The following TOM1 variants were observed in gnomAD, a reference collection of about 807,000 sequenced individuals.
TOM1 encodes target of Myb protein 1.
A neutral mutation model predicts 61.3 loss-of-function variants in TOM1; 38 were observed. The observed-to-expected ratio is 0.62, with a 90% CI of 0.48 to 0.81. The LOEUF (loss-of-function observed/expected upper bound fraction) is 0.81, where lower values mean the gene tolerates loss of function less well. Among genes scored for constraint, TOM1 ranks in the 40% least tolerant of loss-of-function variants. The pLI is 0.00. For missense variants in TOM1, 591 were observed against 659.6 expected (o/e 0.90, Z 1.14); for synonymous variants, 270 against 268.8 (o/e 1.00, Z -0.04).
At chr22:35,301,409 TG>T in intron 1 of TOM1, among the ~76,000 whole-genome samples, 1 of 152,254 alleles carries the variant, frequency 6.6e-6, no homozygotes, top group South Asian at 2.1e-4. Context: ...ATCTCATAGG[TG>T]CTCATTCTTG....
chr22:35,321,983 AAAG>A lies in TOM1; in HGVS notation c.167_169del (p.Lys56del). The A allele has an allele frequency of 1.9e-6, 3 of 1,614,170 alleles. No homozygotes were observed. Among genetic ancestry groups the A allele is most frequent in the Non-Finnish European group, 2.5e-6 (3 of 1,180,010 alleles). On this transcript the variant is annotated inframe_deletion, in exon 3 of 15. Coordinates refer to ENST00000449058, the MANE Select transcript of TOM1 (RefSeq NM_005488.3). ...GTCCCAAAGATGCCCTCCGAGCAGT[AAAG>A]AAGAGAATCGTGGGGAATAAGAACT...
intron 12 of TOM1, 127 bp downstream of exon 12, chr22:35,338,915 C>G: frequency 1.2e-6 from 1 of 869,536 alleles, no homozygotes; most frequent in African/African-American, 1.7e-5. Flanking sequence ...CTCGTTTGGC[C>G]GTCAGGTCGG....
intron 1 of TOM1, among the ~76,000 whole-genome samples, chr22:35,300,878 T>C (rs950366587): frequency 2.7e-5 from 4 of 148,936 alleles, no homozygotes; most frequent in Non-Finnish European, 4.5e-5. Context: ...CAATGCCTGG[T>C]ACATGGCCAG....
rs113856063 is a variant in TOM1 at position 35,311,335 on chromosome 22, A to G, written c.53-6542A>G. Among the ~76,000 whole-genome samples, 296 of 152,364 alleles carry G rather than the reference A, an allele frequency of 1.9e-3. 2 individuals are homozygous for G. Among genetic ancestry groups the G allele is most frequent in the African/African-American group, 6.9e-3 (289 of 41,594 alleles). The stretch of plus-strand genomic sequence containing the variant: ...GCAGGTAACAGGAAACGCAACCAGC[A>G]GAGTCTGAAACCACCACAACAACGC... On this transcript the variant is annotated intron_variant, in intron 1 of 14. Coordinates refer to ENST00000449058, the MANE Select transcript of TOM1 (RefSeq NM_005488.3).
chr22:35,313,076 G>T (rs1926973669), intron 1 of TOM1, among the ~76,000 whole-genome samples: 1 of 152,254 alleles, frequency 6.6e-6, no homozygotes, highest in South Asian at 2.1e-4. Context: ...ACAGTGGGCA[G>T]TGGCTCACAC....
intron 1 of TOM1, among the ~76,000 whole-genome samples, chr22:35,300,994 T>G (rs1458613388): frequency 2.0e-5 from 3 of 150,856 alleles, no homozygotes; most frequent in Non-Finnish European, 4.4e-5. Context: ...GGCAGATCGC[T>G]TGAGCCCAGG....
In TOM1 at chr22:35,323,255, G is replaced by A. The variant is rs1000095565; in HGVS notation, c.366+78G>A. ...GCTTCCTGCCCAGTGGAGAGTCGAG[G>A]CCATCGTGTTTGTCCCAGGCTCCGC... On this transcript the variant is annotated intron_variant, in intron 4 of 14. Transcript: ENST00000449058. This position sits in a 1 kb window ranked among gnomAD's most constrained non-coding sequence, Gnocchi z 4.2. 167 of 1,557,708 alleles carry A rather than the reference G, an allele frequency of 1.1e-4. 1 individual carries two copies. The highest frequency in any genetic ancestry group is 1.3e-5 in the Non-Finnish European group (15 of 1,153,658).
chr22:35,319,242 G>A (rs1380483853), intron 2 of TOM1, among the ~76,000 whole-genome samples: 1 of 152,148 alleles, frequency 6.6e-6, no homozygotes, highest in Non-Finnish European at 1.5e-5. Flanking sequence ...AAGCCCCCAT[G>A]TCCCTTATAA....
chr22:35,334,662 G>A (rs1441155396), intron 11 of TOM1, among the ~76,000 whole-genome samples: 1 of 152,160 alleles, frequency 6.6e-6, no homozygotes, highest in Admixed American at 6.5e-5. Flanking sequence ...GGTGGGGGAG[G>A]GGGAGCCTAA....
At position 35,304,146 on chromosome 22, in the gene TOM1, C is replaced by T. The variant is rs556046133; in HGVS notation, c.52+4166C>T. Among the ~76,000 whole-genome samples, 3 of 152,344 alleles carry T rather than the reference C, an allele frequency of 2.0e-5. No homozygotes were observed. In the East Asian group the frequency reaches 5.8e-4, roughly 29 times the overall value. ...ATCGCTTTCCAGGGTTCCACAGCCA[C>T]TCAAGGTCAGAATCCAGACCCAGGT... On this transcript the variant is annotated intron_variant, in intron 1 of 14. Transcript: ENST00000449058.
intron 1 of TOM1, among the ~76,000 whole-genome samples, chr22:35,301,404 A>G (rs1039294729): frequency 6.6e-6 from 1 of 152,210 alleles, no homozygotes; most frequent in African/African-American, 2.4e-5. Context: ...AGTAGATCTC[A>G]TAGGTGCTCA....
At chr22:35,340,534 G>A (rs1349128526) in intron 12 of TOM1, among the ~76,000 whole-genome samples, 1 of 151,926 alleles carries the variant, frequency 6.6e-6, no homozygotes, top group Non-Finnish European at 1.5e-5. Context: ...ATCACTTGAG[G>A]TCAGGAGTTC....
intron 2 of TOM1, among the ~76,000 whole-genome samples, chr22:35,319,856 C>T (rs989319827): frequency 6.6e-6 from 1 of 152,208 alleles, no homozygotes; most frequent in African/African-American, 2.4e-5. Context: ...CTTTCCCCAC[C>T]GTGTCCCTTC....
At chr22:35,299,750 C>T (rs1045215254), upstream of TOM1, 12 of 679,502 alleles carry the variant, frequency 1.8e-5, no homozygotes, top group African/African-American at 2.2e-4. Flanking sequence ...AGGTCATCGC[C>T]CTCCGCCTCG....
rs1929026866 is a variant in TOM1 at position 35,333,615 on chromosome 22, C to T, written c.1027+118C>T. ...AGCAGAGTGTCAGTCTGGACCCCAC[C>T]TTGCTGGGGTCCCAGGCTGAATCTT... On this transcript the variant is annotated intron_variant, in intron 10 of 14. Coordinates refer to ENST00000449058, the MANE Select transcript of TOM1 (RefSeq NM_005488.3). 3 of 896,688 alleles carry T rather than the reference C, an allele frequency of 3.3e-6. No individual in the cohort carries two copies. The South Asian group carries it at 4.6e-5, about 14-fold the overall frequency. 55.5% of individuals were successfully genotyped at this position (896,688 alleles called of 1,614,324 possible).
chr22:35,344,224 C>A, intron 12 of TOM1: 1 of 152,430 alleles, frequency 6.6e-6, no homozygotes. Context: ...GCGGGAAAAG[C>A]CTCAGTGACT....
chr22:35,336,210 G>T (rs1236999075), intron 11 of TOM1, among the ~76,000 whole-genome samples: 1 of 152,122 alleles, frequency 6.6e-6, no homozygotes, highest in East Asian at 1.9e-4. Flanking sequence ...TTCCACCCTG[G>T]CAGAAAACAT....
At position 35,323,886 on chromosome 22, in the gene TOM1, A is replaced by G. The variant is rs1291187250; in HGVS notation, c.620A>G (p.Asp207Gly). The change falls in exon 6 of 15, where the codon GAC (aspartate) becomes GGC (glycine). Residue 207 changes from aspartate to glycine, a missense_variant. Physicochemically the swap from Asp to Gly is moderately conservative, Grantham distance 94. Transcript: ENST00000449058. The surrounding 1 kb of genome is among the most constrained non-coding windows in gnomAD (Gnocchi z 4.2). ...CCCGCCCCGCCCATACTCTCCGGTG[A>G]CACGCCCATAGCACCAACCCCGGAA... ...PLPAPPILSGDTPIAPTPEQI... is the reference protein window; with the variant it reads ...PLPAPPILSGGTPIAPTPEQI... 1 of 1,593,920 alleles carries G rather than the reference A, an allele frequency of 6.3e-7. No homozygotes were observed. The highest frequency in any genetic ancestry group is 8.5e-7 in the Non-Finnish European group (1 of 1,169,760).
At chr22:35,330,288 A>AG in intron 7 of TOM1, 59 bp from the exon 8 acceptor site, 1 of 1,530,072 alleles carries the variant, frequency 6.5e-7, no homozygotes, top group Non-Finnish European at 8.7e-7. Context: ...CAAAAAAAAA[A>AG]AGAGACGGCC....
Sources: gnomAD v4.1 joint callset for allele counts (sites outside exome capture counted in the v4.1 genomes callset) on GRCh38, gnomAD v4.1.1 for gene constraint, Gnocchi (gnomAD v3.1) non-coding constraint, MANE v1.5 for transcripts, NCBI Gene and HGNC (gene_info 2026-07-23, HGNC 2026-07-21) for gene names.